ZNRF3: variants seen among roughly 807,000 people sequenced by gnomAD.
ZNRF3 encodes zinc and ring finger 3.
A neutral mutation model predicts 72.5 loss-of-function variants in ZNRF3; 23 were observed. The ratio of observed to expected loss-of-function variants is 0.32; its 90% confidence interval spans 0.23 to 0.45. ZNRF3 has a LOEUF of 0.45. ZNRF3 is among the 20% of genes least tolerant of loss of function. ZNRF3 has a pLI of 1.00. For missense variants in ZNRF3, 1,169 were observed against 1,272.1 expected, an observed-to-expected ratio of 0.92 and a Z score of 1.23; for synonymous variants, 610 against 545.3, an observed-to-expected ratio of 1.12 and a Z score of -1.65.
chr22:28,925,984 A>G (rs1051550280), intron 1 of ZNRF3, among the ~76,000 whole-genome samples: 7 of 152,154 alleles, frequency 4.6e-5, no homozygotes, highest in Admixed American at 3.3e-4. Context: ...CTGGCTGGGA[A>G]TAGCCCTAGA....
intron 1 of ZNRF3, among the ~76,000 whole-genome samples, chr22:28,955,039 T>TG (rs60825487): frequency 5.0e-4 from 75 of 149,642 alleles, no homozygotes; most frequent in Admixed American, 8.0e-4. Flanking sequence ...GGTGTTTTTT[T>TG]TTTTTTGTTT....
intron 1 of ZNRF3, among the ~76,000 whole-genome samples, chr22:28,897,825 T>A (rs78156830): frequency 0.023 from 3,518 of 152,338 alleles, 95 homozygotes; most frequent in African/African-American, 0.056. Context: ...TTGTCTTGGA[T>A]GTAAAACATG....
chr22:29,010,590 A>G (rs1372738115), intron 2 of ZNRF3, among the ~76,000 whole-genome samples: 1 of 152,194 alleles, frequency 6.6e-6, no homozygotes, highest in Non-Finnish European at 1.5e-5. Flanking sequence ...TACCTGATAT[A>G]CATGAAATAG....
chr22:28,883,644 C>T lies in ZNRF3; in HGVS notation c.-123C>T, dbSNP rs1601520466. On this transcript the variant is annotated 5_prime_UTR_variant, in exon 1 of 9. Transcript: ENST00000544604. The surrounding 1 kb of genome is among the most constrained non-coding windows in gnomAD (Gnocchi z 5.5). ...GGGGGAGCCGAGCTGAGCCTGCGAC[C>T]CACAAAGCCGCCGCCGCCGCCGCCG... is the stretch of plus-strand genomic sequence containing the variant. The T allele has an allele frequency of 1.2e-5, 11 of 944,970 alleles. No homozygotes were observed. The highest frequency in any genetic ancestry group is 1.8e-5 in the African/African-American group (1 of 56,470). The allele number at this position is 944,970 out of a possible 1,614,324, so 58.5% of individuals were successfully genotyped here.
chr22:28,963,658 T>C (rs918413385), intron 1 of ZNRF3, among the ~76,000 whole-genome samples: 1 of 152,204 alleles, frequency 6.6e-6, no homozygotes, highest in Non-Finnish European at 1.5e-5. Context: ...ATGTCTGAGC[T>C]GTGCTTTGGG....
At chr22:29,004,052 C>T (rs1345540042) in intron 2 of ZNRF3, among the ~76,000 whole-genome samples, 1 of 152,230 alleles carries the variant, frequency 6.6e-6, no homozygotes, top group African/African-American at 2.4e-5. Context: ...GAAGCATGCA[C>T]CTAACGGGCT....
chr22:29,016,481 A>G lies in ZNRF3; in HGVS notation c.427-26014A>G, dbSNP rs1228439679. ...AATAATTATAGTCAAGAAAGCCTGA[A>G]TGAGGCCATCCTTTTACTTGTTCAA... is the stretch of plus-strand genomic sequence containing the variant. On this transcript the variant is annotated intron_variant, in intron 2 of 8. Transcript: ENST00000544604. 3.3e-5 allele frequency among the ~76,000 whole-genome samples: 5 copies of G among 152,364 alleles called. No individual in the cohort carries two copies. The South Asian group carries it at 1.0e-3, about 32-fold the overall frequency.
intron 1 of ZNRF3, among the ~76,000 whole-genome samples, chr22:28,956,638 G>A (rs1431708192): frequency 6.6e-6 from 1 of 152,106 alleles, no homozygotes; most frequent in African/African-American, 2.4e-5. Flanking sequence ...CTTGAGCTGA[G>A]CAAAAAATTA....
At position 28,883,647 on chromosome 22, in the gene ZNRF3, C is replaced by G; in HGVS notation, c.-120C>G. The G allele has an allele frequency of 6.3e-6, 6 of 959,714 alleles. No individual in the cohort carries two copies. Among genetic ancestry groups the G allele is most frequent in the Non-Finnish European group, 7.4e-6 (6 of 806,038 alleles). 59.4% of individuals were successfully genotyped at this position (959,714 alleles called of 1,614,324 possible). Reference sequence around the variant, plus strand: ...GGAGCCGAGCTGAGCCTGCGACCCACAAAGCCGCCGCCGCCGCCGCCGTGA... The same window carrying G: ...GGAGCCGAGCTGAGCCTGCGACCCAGAAAGCCGCCGCCGCCGCCGCCGTGA... On this transcript the variant is annotated 5_prime_UTR_variant, in exon 1 of 9. Coordinates refer to ENST00000544604, the MANE Select transcript of ZNRF3 (RefSeq NM_001206998.2). The surrounding 1 kb of genome is among the most constrained non-coding windows in gnomAD (Gnocchi z 5.5).
In ZNRF3 at chr22:29,003,380, C is replaced by T. The variant is rs146661135; in HGVS notation, c.426+16179C>T. On this transcript the variant is annotated intron_variant, in intron 2 of 8. Coordinates refer to ENST00000544604, the MANE Select transcript of ZNRF3 (RefSeq NM_001206998.2). ...AAAAAATACAAAAAAATTAGCCAGG[C>T]GTGGTGGCGGGCGCCTGTAGTCCCA... 7.4e-3 allele frequency among the ~76,000 whole-genome samples: 1,127 copies of T among 151,936 alleles called. 21 individuals are homozygous for T. Among genetic ancestry groups the T allele is most frequent in the African/African-American group, 0.026 (1,089 of 41,436 alleles).
chr22:29,044,189 C>T (rs1399181397), intron 4 of ZNRF3, among the ~76,000 whole-genome samples: 3 of 152,100 alleles, frequency 2.0e-5, no homozygotes, highest in Non-Finnish European at 4.4e-5. Context: ...AAATGGAGGT[C>T]CCAGATAAGG....
intron 1 of ZNRF3, among the ~76,000 whole-genome samples, chr22:28,923,023 A>G (rs2123770706): frequency 6.6e-6 from 1 of 152,224 alleles, no homozygotes; most frequent in African/African-American, 2.4e-5. Context: ...ACATAGCCCC[A>G]GGGATGTGCT....
Position 29,048,931 on chromosome 22 carries a change from CT to C in ZNRF3, c.1016-262del. On this transcript the variant is annotated intron_variant, in intron 7 of 8. Coordinates refer to ENST00000544604, the MANE Select transcript of ZNRF3 (RefSeq NM_001206998.2). This position sits in a 1 kb window ranked among gnomAD's most constrained non-coding sequence, Gnocchi z 4.9. ...GACACTGGCATCTTTGAATCCGATTCTTTTCTGCAGACTTCTGTGGTGCCCT... is the reference window on the plus strand; with the variant it reads ...GACACTGGCATCTTTGAATCCGATTCTTTCTGCAGACTTCTGTGGTGCCCT... 6.6e-6 allele frequency among the ~76,000 whole-genome samples: 1 copy of C among 152,278 alleles called. No homozygotes were observed. Among genetic ancestry groups the C allele is most frequent in the East Asian group, 1.9e-4 (1 of 5,168 alleles).
chr22:29,052,437 G>A (rs1451246994), intron 8 of ZNRF3, among the ~76,000 whole-genome samples: 1 of 152,198 alleles, frequency 6.6e-6, no homozygotes, highest in Admixed American at 6.5e-5. Context: ...ATTCACGCCT[G>A]TAATCCCAGC....
intron 1 of ZNRF3, chr22:28,917,463 A>T (rs2034429253): frequency 1.0e-6 from 1 of 985,018 alleles, no homozygotes. Context: ...ACTAGGAAGG[A>T]TCCCCTCATT....
At chr22:29,018,571 G>A (rs937862169) in intron 2 of ZNRF3, 1 of 153,144 alleles carries the variant, frequency 6.5e-6, no homozygotes, top group African/African-American at 2.4e-5. Flanking sequence ...AGTCCAGAAT[G>A]AGCTTGTCCA....
intron 1 of ZNRF3, among the ~76,000 whole-genome samples, chr22:28,944,947 A>G (rs1326519197): frequency 6.7e-6 from 1 of 148,962 alleles, no homozygotes; most frequent in Non-Finnish European, 1.5e-5. Context: ...ATAAATAAAT[A>G]AATAAATAAA....
chr22:29,022,160 T>C (rs1481194826), intron 2 of ZNRF3, among the ~76,000 whole-genome samples: 1 of 152,246 alleles, frequency 6.6e-6, no homozygotes, highest in Admixed American at 6.5e-5. Flanking sequence ...GATACATTCA[T>C]GTGGATTGTG....
intron 1 of ZNRF3, among the ~76,000 whole-genome samples, chr22:28,905,883 G>T (rs2064441464): frequency 6.6e-6 from 1 of 152,172 alleles, no homozygotes; most frequent in African/African-American, 2.4e-5. Context: ...TTTTTTAGAT[G>T]AGGACACTAA....
Sources: allele counts gnomAD v4.1 joint callset (sites outside exome capture counted in the v4.1 genomes callset), GRCh38; gene constraint gnomAD v4.1.1; non-coding constraint Gnocchi (gnomAD v3.1); transcripts MANE v1.5; gene names NCBI Gene and HGNC (gene_info 2026-07-23, HGNC 2026-07-21).